Variants in NAV2 observed in about 807,000 individuals in gnomAD.
The protein encoded by NAV2 is neuron navigator 2.
NAV2 carries 54 observed loss-of-function variants against 223.2 expected under a neutral mutation model. That is an observed-to-expected ratio of 0.24 (90% CI 0.19 to 0.30). NAV2 has a LOEUF of 0.30. Among genes scored for constraint, NAV2 ranks in the 10% least tolerant of loss-of-function variants. NAV2 has a pLI of 1.00. For missense variants in NAV2, 2,806 were observed against 3,147.5 expected (o/e 0.89, Z 2.60); for synonymous variants, 1,279 against 1,239.3 (o/e 1.03, Z -0.67).
At chr11:19,910,584 C>A (rs554416265) in intron 6 of NAV2, among the ~76,000 whole-genome samples, 1 of 152,192 alleles carries the variant, frequency 6.6e-6, no homozygotes, top group Non-Finnish European at 1.5e-5. Context: ...ACTAGCCAGG[C>A]GCGGTGGCTT....
At chr11:19,659,627 A>G (rs1015396690) in intron 1 of NAV2, among the ~76,000 whole-genome samples, 2 of 152,182 alleles carry the variant, frequency 1.3e-5, no homozygotes, top group Admixed American at 6.5e-5. Flanking sequence ...CAGAATCAAC[A>G]GGACAAGCTA....
At chr11:19,958,608 G>A (rs763344968) in intron 10 of NAV2, among the ~76,000 whole-genome samples, 2 of 152,156 alleles carry the variant, frequency 1.3e-5, no homozygotes, top group Non-Finnish European at 2.9e-5. Flanking sequence ...TAGGTTTGAT[G>A]TGAGGTTTCA....
intron 6 of NAV2, among the ~76,000 whole-genome samples, chr11:19,907,769 A>G (rs2042992760): frequency 6.6e-6 from 1 of 152,182 alleles, no homozygotes; most frequent in African/African-American, 2.4e-5. Context: ...TAGGTGAAGG[A>G]TCAAAGGTCT....
intron 1 of NAV2, among the ~76,000 whole-genome samples, chr11:19,604,085 C>T (rs1346437628): frequency 2.0e-5 from 3 of 152,188 alleles, no homozygotes; most frequent in African/African-American, 7.2e-5. Context: ...TGGGCTGTAT[C>T]ACATAGGACT....
At chr11:19,380,132 T>C (rs1279049193) in intron 1 of NAV2, among the ~76,000 whole-genome samples, 2 of 152,194 alleles carry the variant, frequency 1.3e-5, no homozygotes, top group African/African-American at 4.8e-5. Context: ...CAGTTAACCA[T>C]GTAAGTGGAA....
chr11:20,108,851 G>A (rs2062392129), intron 36 of NAV2, among the ~76,000 whole-genome samples: 1 of 152,212 alleles, frequency 6.6e-6, no homozygotes, highest in Admixed American at 6.5e-5. Flanking sequence ...GAGCCTGGAG[G>A]CAGCCTAAGA....
chr11:19,547,415 A>G (rs529449496), intron 1 of NAV2, among the ~76,000 whole-genome samples: 2 of 152,248 alleles, frequency 1.3e-5, no homozygotes, highest in South Asian at 4.2e-4. Flanking sequence ...GGTTTTTCTA[A>G]TTGCAAACTC....
At chr11:19,888,075 A>T (rs547910696) in intron 5 of NAV2, among the ~76,000 whole-genome samples, 1 of 152,238 alleles carries the variant, frequency 6.6e-6, no homozygotes, top group East Asian at 1.9e-4. Flanking sequence ...CGTTGGAGAA[A>T]TTGACCATGG....
intron 1 of NAV2, among the ~76,000 whole-genome samples, chr11:19,353,438 G>A (rs962929213): frequency 1.6e-4 from 25 of 152,144 alleles, no homozygotes; most frequent in Admixed American, 1.3e-4. Context: ...AGTGAAAAGC[G>A]TCATGGAATA....
intron 11 of NAV2, among the ~76,000 whole-genome samples, chr11:20,003,343 A>C (rs1179739698): frequency 6.6e-6 from 1 of 152,152 alleles, no homozygotes; most frequent in Non-Finnish European, 1.5e-5. Flanking sequence ...GAGGGGAAAA[A>C]CTATGGCCAC....
At chr11:19,687,408 GA>G (rs1327815910) in intron 1 of NAV2, among the ~76,000 whole-genome samples, 1 of 152,144 alleles carries the variant, frequency 6.6e-6, no homozygotes, top group African/African-American at 2.4e-5. Context: ...CATGCATTCA[GA>G]AAAAAGCAAA....
chr11:19,975,766 G>A (rs1231416751), intron 10 of NAV2, among the ~76,000 whole-genome samples: 2 of 152,218 alleles, frequency 1.3e-5, no homozygotes, highest in East Asian at 3.8e-4. Flanking sequence ...TCATTGTAGA[G>A]TGTGTTGAAG....
intron 1 of NAV2, among the ~76,000 whole-genome samples, chr11:19,421,665 T>G (rs546869344): frequency 2.0e-5 from 3 of 151,886 alleles, no homozygotes; most frequent in African/African-American, 7.2e-5. Context: ...AGGTGGAAAT[T>G]TGGAAAACTG....
chr11:19,469,989 G>A (rs1435942040), intron 1 of NAV2, among the ~76,000 whole-genome samples: 1 of 152,204 alleles, frequency 6.6e-6, no homozygotes, highest in Non-Finnish European at 1.5e-5. Flanking sequence ...CTTGACTGTG[G>A]CCACAGGCCA....
chr11:19,859,737 C>T (rs1653617306), intron 3 of NAV2, among the ~76,000 whole-genome samples: 1 of 151,392 alleles, frequency 6.6e-6, no homozygotes. Flanking sequence ...GCGCCCCTCA[C>T]CTCCCGGACC....
chr11:19,466,286 A>AT (rs1228333970), intron 1 of NAV2, among the ~76,000 whole-genome samples: 11 of 152,090 alleles, frequency 7.2e-5, no homozygotes. Flanking sequence ...CGGAAAATCC[A>AT]TTTGCACCTG....
At chr11:19,842,711 C>T (rs2060577640) in intron 2 of NAV2, among the ~76,000 whole-genome samples, 160 bp from the exon 3 acceptor site, 1 of 152,156 alleles carries the variant, frequency 6.6e-6, no homozygotes, top group African/African-American at 2.4e-5. Context: ...TGAGTAAGTC[C>T]TGAAGCTTGC....
At chr11:19,610,094 G>A (rs746642282) in intron 1 of NAV2, among the ~76,000 whole-genome samples, 47 of 152,190 alleles carry the variant, frequency 3.1e-4, no homozygotes, top group South Asian at 1.4e-3. Context: ...CAGAAAGAAT[G>A]TTAGAAAGAG....
chr11:19,949,189 C>T (rs2047182798), intron 10 of NAV2, 109 bp downstream of exon 10: 1 of 1,212,668 alleles, frequency 8.2e-7, no homozygotes, highest in Admixed American at 2.8e-5. Flanking sequence ...AACTGCCCAC[C>T]TGAGTTTCTG....
Sources: allele counts gnomAD v4.1 joint callset (sites outside exome capture counted in the v4.1 genomes callset), GRCh38; gene constraint gnomAD v4.1.1; transcripts MANE v1.5; gene names NCBI Gene and HGNC (gene_info 2026-07-23, HGNC 2026-07-21).